The following WSCD2 variants were observed in gnomAD, a reference collection of about 807,000 sequenced individuals.
WSCD2 encodes the protein WSC domain sialate O sulfotransferase 2.
In WSCD2, 28 loss-of-function variants were observed where a neutral mutation model predicts 55.7. The observed-to-expected ratio is 0.50, with a 90% CI of 0.37 to 0.69. The LOEUF (loss-of-function observed/expected upper bound fraction) is 0.69, where lower values mean the gene tolerates loss of function less well. WSCD2 is among the 30% of genes least tolerant of loss of function. WSCD2 has a pLI of 0.00. For missense variants in WSCD2, 616 were observed against 762.1 expected (o/e 0.81, Z 2.26); for synonymous variants, 301 against 301.9 (o/e 1.00, Z 0.03).
intron 1 of WSCD2, among the ~76,000 whole-genome samples, chr12:108,135,985 A>G (rs1425090943): frequency 1.3e-5 from 2 of 152,194 alleles, no homozygotes; most frequent in African/African-American, 4.8e-5. Context: ...AAACTTGCTG[A>G]CCCATGAGCT....
intron 7 of WSCD2, among the ~76,000 whole-genome samples, chr12:108,240,100 ATAATC>A (rs1360610378): frequency 6.6e-6 from 1 of 152,218 alleles, no homozygotes; most frequent in Non-Finnish European, 1.5e-5. Flanking sequence ...CACTATTTGA[ATAATC>A]TAACTCTCAA....
intron 1 of WSCD2, among the ~76,000 whole-genome samples, chr12:108,145,235 TGCA>T: frequency 6.6e-6 from 1 of 152,272 alleles, no homozygotes; most frequent in South Asian, 2.1e-4. Flanking sequence ...CCTAATTAAC[TGCA>T]GCTCCTCCTT....
At chr12:108,166,760 C>CT (rs1555225179) in intron 1 of WSCD2, among the ~76,000 whole-genome samples, 803 of 25,820 alleles carry the variant, frequency 0.031, 8 homozygotes, top group African/African-American at 0.081. Context: ...TTCTTTCTTT[C>CT]TTTTCTTTCT....
At chr12:108,133,296 G>A (rs548147318) in intron 1 of WSCD2, among the ~76,000 whole-genome samples, 5 of 152,170 alleles carry the variant, frequency 3.3e-5, no homozygotes, top group Non-Finnish European at 5.9e-5. Flanking sequence ...ATTTCTGTGT[G>A]TTCCAGTGTA....
chr12:108,246,854 C>T (rs1249675558), intron 8 of WSCD2, among the ~76,000 whole-genome samples: 2 of 152,054 alleles, frequency 1.3e-5, no homozygotes, highest in African/African-American at 4.8e-5. Context: ...CTGTGGGGGG[C>T]TGCAGGGGAC....
rs78887550 is a variant in WSCD2, at chr12:108,219,605, A to C, written c.683-5134A>C. On this transcript the variant is annotated intron_variant, in intron 4 of 8. Coordinates refer to ENST00000547525, the MANE Select transcript of WSCD2 (RefSeq NM_014653.4). The stretch of plus-strand genomic sequence containing the variant: ...GACACACACAAACACACACACATGC[A>C]CAAACACCACTCACTTCTTCAGACA... Among the ~76,000 whole-genome samples the C allele has an allele frequency of 7.1e-3, 1,088 of 152,268 alleles. 10 individuals are homozygous for C. The highest frequency in any genetic ancestry group is 0.012 in the Non-Finnish European group (791 of 68,018).
rs1879667050 is a variant in WSCD2 at position 108,166,761 on chromosome 12, T to TTCTTTCTTTC, written c.-551-28520_-551-28519insCTTTCTTTCT. Among the ~76,000 whole-genome samples the TTCTTTCTTTC allele has an allele frequency of 2.1e-3, 261 of 124,878 alleles. 2 individuals are homozygous for TTCTTTCTTTC. Among genetic ancestry groups the TTCTTTCTTTC allele is most frequent in the Non-Finnish European group, 3.7e-3 (222 of 59,840 alleles). The allele number at this position is 124,878 out of a possible 152,430, so 81.9% of individuals were successfully genotyped here. A position where few individuals can be genotyped will look rare whatever the true frequency, so the allele number is the denominator to read the frequency against. On this transcript the variant is annotated intron_variant, in intron 1 of 8. Coordinates refer to ENST00000547525, the MANE Select transcript of WSCD2 (RefSeq NM_014653.4). The stretch of plus-strand genomic sequence containing the variant: ...CTTTCTTTCCTTCTTTCTTTCTTTC[T>TTCTTTCTTTC]TTTCTTTCTTTCTTTCTTTCTTTCT...
At chr12:108,170,669 A>AAC (rs1348630657) in intron 1 of WSCD2, among the ~76,000 whole-genome samples, 2 of 152,238 alleles carry the variant, frequency 1.3e-5, no homozygotes, top group Non-Finnish European at 2.9e-5. Flanking sequence ...AGTTCTGGGT[A>AAC]ACACACTTAG....
intron 1 of WSCD2, among the ~76,000 whole-genome samples, chr12:108,188,237 C>G (rs1200580798): frequency 6.6e-6 from 1 of 151,884 alleles, no homozygotes. Flanking sequence ...AGTGTGGGGA[C>G]CCAGGGGATT....
chr12:108,226,178 C>T lies in WSCD2; in HGVS notation c.805-812C>T, dbSNP rs549443811. On this transcript the variant is annotated intron_variant, in intron 5 of 8. Transcript: ENST00000547525. Reference sequence around the variant, plus strand: ...CACAAGTGTGACCCTGGTTTGCTACCAGATTAGTCTTGGACTGGCTACCAG... The same window carrying T: ...CACAAGTGTGACCCTGGTTTGCTACTAGATTAGTCTTGGACTGGCTACCAG... Among the ~76,000 whole-genome samples the T allele has an allele frequency of 9.2e-5, 14 of 152,172 alleles. No individual in the cohort carries two copies. In the East Asian group the frequency reaches 2.7e-3, roughly 29 times the overall value.
intron 1 of WSCD2, among the ~76,000 whole-genome samples, chr12:108,160,005 C>T (rs1878902743): frequency 6.6e-6 from 1 of 152,168 alleles, no homozygotes. Flanking sequence ...AGATATTAGA[C>T]ACGGTATGAT....
chr12:108,129,756 C>T lies in WSCD2; in HGVS notation c.-722C>T, dbSNP rs963651176. The T allele has an allele frequency of 6.6e-6, 1 of 152,298 alleles. No homozygotes were observed. Among genetic ancestry groups the T allele is most frequent in the African/African-American group, 2.4e-5 (1 of 41,442 alleles). The allele number at this position is 152,298 out of a possible 1,614,324, so 9.4% of individuals were successfully genotyped here. ...AGCCCCAGGGCCCGGCAGGAGGAGC[C>T]TTGGTGGCGAGAAAGGAAATCCAGG... On this transcript the variant is annotated 5_prime_UTR_variant, in exon 1 of 9. Transcript: ENST00000547525.
chr12:108,191,042 G>C (rs1283350870), intron 1 of WSCD2, among the ~76,000 whole-genome samples: 1 of 152,140 alleles, frequency 6.6e-6, no homozygotes, highest in Non-Finnish European at 1.5e-5. Context: ...GACAGGAGGG[G>C]ATATTAATAC....
chr12:108,240,405 A>C lies in WSCD2; in HGVS notation c.1206A>C (p.Glu402Asp). Reference sequence around the variant, plus strand: ...GGACCATCTGCATCAAGACGCACGAAAGCGGCCAGAAAGAGATCGAGGCCT... The same window carrying C: ...GGACCATCTGCATCAAGACGCACGACAGCGGCCAGAAAGAGATCGAGGCCT... ...SGRTICIKTH[E>D]SGQKEIEAFD... The change falls in exon 8 of 9, where the codon GAA (glutamate) becomes GAC (aspartate). Residue 402 changes from glutamate to aspartate, a missense_variant. This residue lies in a region of WSCD2 where 234 missense variants were observed against 264.6 expected (regional missense o/e 0.88). Coordinates refer to ENST00000547525, the MANE Select transcript of WSCD2 (RefSeq NM_014653.4). 1 of 1,614,188 alleles carries C rather than the reference A, an allele frequency of 6.2e-7. No individual in the cohort carries two copies. Among genetic ancestry groups the C allele is most frequent in the Middle Eastern group, 1.6e-4 (1 of 6,062 alleles).
intron 7 of WSCD2, among the ~76,000 whole-genome samples, chr12:108,233,805 C>A (rs1335636969): frequency 1.3e-5 from 2 of 152,228 alleles, no homozygotes; most frequent in African/African-American, 4.8e-5. Context: ...GGCATGAAGC[C>A]CTCTCCTGGG....
chr12:108,147,268 G>A (rs1003617765), intron 1 of WSCD2, among the ~76,000 whole-genome samples: 1 of 152,110 alleles, frequency 6.6e-6, no homozygotes, highest in African/African-American at 2.4e-5. Flanking sequence ...GGTGGCATCT[G>A]ACCTGAGCCA....
At chr12:108,203,735 C>T (rs558622711) in intron 2 of WSCD2, among the ~76,000 whole-genome samples, 38 of 152,286 alleles carry the variant, frequency 2.5e-4, no homozygotes, top group East Asian at 1.7e-3. Flanking sequence ...CATAGGTAGC[C>T]GAATGTGCCT....
intron 4 of WSCD2, among the ~76,000 whole-genome samples, chr12:108,222,726 T>A (rs1198690242): frequency 1.3e-5 from 2 of 152,242 alleles, no homozygotes; most frequent in African/African-American, 4.8e-5. Flanking sequence ...ACGCCTGGCC[T>A]CAAGCAATCC....
chr12:108,170,585 G>A (rs986695041), intron 1 of WSCD2, among the ~76,000 whole-genome samples: 10 of 152,184 alleles, frequency 6.6e-5, no homozygotes, highest in African/African-American at 2.4e-4. Context: ...CCGGCTAGTT[G>A]TATGCGGCTG....
Sources: allele counts gnomAD v4.1 joint callset (sites outside exome capture counted in the v4.1 genomes callset), GRCh38; gene constraint gnomAD v4.1.1; regional missense constraint gnomAD v4.1.1; transcripts MANE v1.5; gene names NCBI Gene and HGNC (gene_info 2026-07-23, HGNC 2026-07-21).